ATXN7L3: variants seen among roughly 807,000 people sequenced by gnomAD.
ATXN7L3 encodes ataxin 7 like 3, also known as ataxin-7-like protein 3.
ATXN7L3 carries 6 observed loss-of-function variants against 50.0 expected under a neutral mutation model. The observed-to-expected ratio is 0.12, with a 90% CI of 0.07 to 0.24. The LOEUF (loss-of-function observed/expected upper bound fraction) is 0.24. ATXN7L3 is among the 10% of genes least tolerant of loss of function. The probability of loss-of-function intolerance (pLI) is 1.00; values close to 1 mark genes in which losing one functional copy is unlikely to be tolerated. For missense variants in ATXN7L3, 322 were observed against 451.3 expected (o/e 0.71, Z 2.60); for synonymous variants, 198 against 165.8 (o/e 1.19, Z -1.49).
rs1319141827 is a variant in ATXN7L3 at position 44,191,922 on chromosome 17, C to G, written c.*2341G>C. The G allele has an allele frequency of 1.0e-5, 2 of 193,698 alleles. No homozygotes were observed. Among genetic ancestry groups the G allele is most frequent in the Non-Finnish European group, 1.9e-5 (2 of 105,942 alleles). 12.0% of individuals were successfully genotyped at this position (193,698 alleles called of 1,614,324 possible). A position where few individuals can be genotyped will look rare whatever the true frequency, so the allele number is the denominator to read the frequency against. ...ATTACATATGCAAAAATAAAAATCTCAAGACCACAGGACAGCGTGAGCCCC... is the reference window on the plus strand; with the variant it reads ...ATTACATATGCAAAAATAAAAATCTGAAGACCACAGGACAGCGTGAGCCCC... On this transcript the variant is annotated 3_prime_UTR_variant, in exon 13 of 13. Coordinates refer to ENST00000587097, the MANE Select transcript of ATXN7L3 (RefSeq NM_001382309.1).
rs548769564 is a variant in ATXN7L3 at position 44,197,118 on chromosome 17, G to A, written c.357-92C>T. 9.7e-6 allele frequency: 15 copies of A among 1,552,980 alleles called. No homozygotes were observed. In the South Asian group the frequency reaches 1.6e-4, roughly 17 times the overall value. ...CGCTCTGCCCCCAACTTCAGAAGCAGGTGGAGCATCTGGGGCCAAGTAAAA... is the reference window on the plus strand; with the variant it reads ...CGCTCTGCCCCCAACTTCAGAAGCAAGTGGAGCATCTGGGGCCAAGTAAAA... On this transcript the variant is annotated intron_variant, in intron 4 of 12. Coordinates refer to ENST00000587097, the MANE Select transcript of ATXN7L3 (RefSeq NM_001382309.1).
rs878855969 is a variant in ATXN7L3, at chr17:44,195,544, G to C, written c.553-57C>G. The stretch of plus-strand genomic sequence containing the variant: ...TGGGGCAGAGAAAAGAGAAGGACAG[G>C]GGTGGAAGTGAGAATCAGTCCCTCT... On this transcript the variant is annotated intron_variant, in intron 8 of 12. Transcript: ENST00000587097. 1.4e-5 allele frequency: 22 copies of C among 1,532,932 alleles called. 1 individual carries two copies. In the South Asian group the frequency reaches 2.1e-4, roughly 15 times the overall value. 95.0% of individuals were successfully genotyped at this position (1,532,932 alleles called of 1,614,324 possible).
At chr17:44,199,403 G>C (rs2056060206) in intron 1 of ATXN7L3, 93 bp downstream of exon 1, 1 of 149,280 alleles carries the variant, frequency 6.7e-6, no homozygotes, top group Admixed American at 6.6e-5. Context: ...CCCAGACCTG[G>C]GGGGAGGGGG....
chr17:44,196,141 A>C (rs769966964), intron 6 of ATXN7L3, 62 bp from the exon 7 acceptor site: 1 of 1,545,332 alleles, frequency 6.5e-7, no homozygotes, highest in Non-Finnish European at 8.9e-7. Flanking sequence ...CCGAGAACCC[A>C]GGGAAGGAAA....
intron 6 of ATXN7L3, 113 bp from the exon 7 acceptor site, chr17:44,196,192 C>G: frequency 8.9e-6 from 12 of 1,355,098 alleles, no homozygotes; most frequent in Non-Finnish European, 1.3e-5. Flanking sequence ...CCTACTCTTC[C>G]TCCCCAGTAG....
chr17:44,196,023 G>C lies in ATXN7L3; in HGVS notation c.523+11C>G, dbSNP rs772627634. On this transcript the variant is annotated intron_variant, in intron 7 of 12. Coordinates refer to ENST00000587097, the MANE Select transcript of ATXN7L3 (RefSeq NM_001382309.1). ...AGCTAGAAGCATTCCCATTGCTCCG[G>C]CTCCACTTACCATTTTTGTGTTTTA... 1.2e-6 allele frequency: 2 copies of C among 1,609,014 alleles called. No homozygotes were observed. Among genetic ancestry groups the C allele is most frequent in the Admixed American group, 3.3e-5 (2 of 59,974 alleles).
Position 44,194,674 on chromosome 17 carries a change from A to T in ATXN7L3, c.738T>A (p.Ala246=). 2 of 1,614,006 alleles carry T rather than the reference A, an allele frequency of 1.2e-6. No individual in the cohort carries two copies. Among genetic ancestry groups the T allele is most frequent in the Non-Finnish European group, 1.7e-6 (2 of 1,179,906 alleles). Residue 246 remains alanine, a splice_region_variant and synonymous_variant, in exon 12 of 13, where the codon GCT becomes GCA. Transcript: ENST00000587097. The part of the protein sequence containing the change: ...TVRIYFLGPS[A]VLPEVESSLD... ...GGGAGCTCTCGACCTCTGGAAGGACACTGGAAAGGGGATGAGCCAAAGAAG... is the reference window on the plus strand; with the variant it reads ...GGGAGCTCTCGACCTCTGGAAGGACTCTGGAAAGGGGATGAGCCAAAGAAG...
Position 44,197,414 on chromosome 17 carries a change from G to C in ATXN7L3, c.185-15C>G. The stretch of plus-strand genomic sequence containing the variant: ...GTCCACGATCTCTGGGGACAGGAGA[G>C]GCTGGCGATCAGGGTGGGCAGGACC... On this transcript the variant is annotated splice_polypyrimidine_tract_variant and intron_variant, in intron 3 of 12. Transcript: ENST00000587097. 1 of 1,585,060 alleles carries C rather than the reference G, an allele frequency of 6.3e-7. No homozygotes were observed. The highest frequency in any genetic ancestry group is 8.6e-7 in the Non-Finnish European group (1 of 1,161,802).
At position 44,195,332 on chromosome 17, in the gene ATXN7L3, G is replaced by C. The variant is rs922665115; in HGVS notation, c.621+87C>G. The C allele has an allele frequency of 3.4e-6, 5 of 1,450,590 alleles. No individual in the cohort carries two copies. In the Admixed American group the frequency reaches 6.7e-5, roughly 19 times the overall value. 89.9% of individuals were successfully genotyped at this position (1,450,590 alleles called of 1,614,324 possible). A position where few individuals can be genotyped will look rare whatever the true frequency, so the allele number is the denominator to read the frequency against. On this transcript the variant is annotated intron_variant, in intron 9 of 12. Coordinates refer to ENST00000587097, the MANE Select transcript of ATXN7L3 (RefSeq NM_001382309.1). Reference sequence around the variant, plus strand: ...GAGAACGATACGGCCCTGACTGCTAGGTCACCAGCTTCCTCCCAGGCCTTG... The same window carrying C: ...GAGAACGATACGGCCCTGACTGCTACGTCACCAGCTTCCTCCCAGGCCTTG...
In ATXN7L3 at chr17:44,194,062, C is replaced by G; in HGVS notation, c.*201G>C. On this transcript the variant is annotated 3_prime_UTR_variant, in exon 13 of 13. Coordinates refer to ENST00000587097, the MANE Select transcript of ATXN7L3 (RefSeq NM_001382309.1). ...AGGCATAATATGTCCAGGTCTGAGT[C>G]CTGCACGCCGAGGAGTCGTGCTCCA... 1.5e-6 allele frequency: 1 copy of G among 646,616 alleles called. No individual in the cohort carries two copies. The highest frequency in any genetic ancestry group is 2.7e-5 in the East Asian group (1 of 36,378). 40.1% of individuals were successfully genotyped at this position (646,616 alleles called of 1,614,324 possible). A position where few individuals can be genotyped will look rare whatever the true frequency, so the allele number is the denominator to read the frequency against.
Position 44,196,025 on chromosome 17 carries a change from T to G in ATXN7L3, c.523+9A>C, listed in dbSNP as rs747129458. The stretch of plus-strand genomic sequence containing the variant: ...CTAGAAGCATTCCCATTGCTCCGGC[T>G]CCACTTACCATTTTTGTGTTTTAAT... On this transcript the variant is annotated intron_variant, in intron 7 of 12. Transcript: ENST00000587097. 6.2e-7 allele frequency: 1 copy of G among 1,608,742 alleles called. No individual in the cohort carries two copies. The highest frequency in any genetic ancestry group is 8.5e-7 in the Non-Finnish European group (1 of 1,175,990).
rs754738433 is a variant in ATXN7L3, at chr17:44,196,447, GGT to G, written c.455-31_455-30del. 3 of 1,613,856 alleles carry G rather than the reference GGT, an allele frequency of 1.9e-6. No homozygotes were observed. The East Asian group carries it at 6.7e-5, about 36-fold the overall frequency. ...TGGGAAACAAAAGCATAAAGAGCAG[GGT>G]TTCCGTTAAGTTCTCAATCTAAAAG... On this transcript the variant is annotated intron_variant, in intron 5 of 12. Coordinates refer to ENST00000587097, the MANE Select transcript of ATXN7L3 (RefSeq NM_001382309.1).
intron 3 of ATXN7L3, 65 bp downstream of exon 3, chr17:44,197,533 G>C (rs1354192707): frequency 1.9e-6 from 3 of 1,609,404 alleles, no homozygotes; most frequent in Non-Finnish European, 2.5e-6. Context: ...ACAGTTTCCA[G>C]AGAAGGAAAC....
At chr17:44,198,695 G>A (rs1483034942) in intron 1 of ATXN7L3, among the ~76,000 whole-genome samples, 2 of 151,402 alleles carry the variant, frequency 1.3e-5, no homozygotes, top group Non-Finnish European at 3.0e-5. Flanking sequence ...GCCCACAGGA[G>A]CCTAGAGCTA....
chr17:44,198,667 C>T (rs1313335588), intron 1 of ATXN7L3, among the ~76,000 whole-genome samples: 3 of 152,072 alleles, frequency 2.0e-5, no homozygotes, highest in Non-Finnish European at 4.4e-5. Context: ...CAGCCTGCCA[C>T]TCCACGAGGG....
Position 44,194,779 on chromosome 17 carries a change from G to A in ATXN7L3, c.726C>T (p.Leu242=), listed in dbSNP as rs564777185. The change falls in exon 11 of 13, where the codon CTC becomes CTT. Residue 242 remains leucine (L), a synonymous_variant. Coordinates refer to ENST00000587097, the MANE Select transcript of ATXN7L3 (RefSeq NM_001382309.1). Reference sequence around the variant, plus strand: ...GTAGGGCCACTTACGCCGAGGGCCCGAGAAAATAAATCCGTACGGTTCGCC... The same window carrying A: ...GTAGGGCCACTTACGCCGAGGGCCCAAGAAAATAAATCCGTACGGTTCGCC... ...EQRRTVRIYF[L]GPSAVLPEVE... 3.5e-5 allele frequency: 56 copies of A among 1,614,130 alleles called. 3 individuals carry two copies. In the Middle Eastern group the frequency reaches 6.6e-4, roughly 19 times the overall value.
chr17:44,194,879 A>G, intron 10 of ATXN7L3, 40 bp from the exon 11 acceptor site: 1 of 1,606,670 alleles, frequency 6.2e-7, no homozygotes, highest in Non-Finnish European at 8.5e-7. Flanking sequence ...TGAGGAACTC[A>G]GGTAAAGCCC....
In ATXN7L3 at chr17:44,193,526, T is replaced by A. The variant is rs543039379; in HGVS notation, c.*737A>T. The A allele has an allele frequency of 6.5e-6, 1 of 152,686 alleles. No homozygotes were observed. The highest frequency in any genetic ancestry group is 2.1e-4 in the South Asian group (1 of 4,828). The allele number at this position is 152,686 out of a possible 1,614,324, so 9.5% of individuals were successfully genotyped here. On this transcript the variant is annotated 3_prime_UTR_variant, in exon 13 of 13. Transcript: ENST00000587097. ...GCAGGGGGAGGAATTCTGACACTTC[T>A]CCCTCTTCCTACCCTCCCTTTCCCA...
rs1439911664 is a variant in ATXN7L3, at chr17:44,199,827, C to T, written c.-392G>A. 1 of 148,160 alleles carries T rather than the reference C, an allele frequency of 6.7e-6. No homozygotes were observed. Among genetic ancestry groups the T allele is most frequent in the African/African-American group, 2.5e-5 (1 of 40,658 alleles). 9.2% of individuals were successfully genotyped at this position (148,160 alleles called of 1,614,324 possible). A position where few individuals can be genotyped will look rare whatever the true frequency, so the allele number is the denominator to read the frequency against. On this transcript the variant is annotated 5_prime_UTR_variant, in exon 1 of 13. Transcript: ENST00000587097. ...CCCGGGCGGGGGGTGCGGCGCGAGC[C>T]CGGAGCGCGCGCGCGTGTGCCGCGA...
Sources: gnomAD v4.1 joint callset for allele counts (sites outside exome capture counted in the v4.1 genomes callset) on GRCh38, gnomAD v4.1.1 for gene constraint, MANE v1.5 for transcripts, NCBI Gene and HGNC (gene_info 2026-07-23, HGNC 2026-07-21) for gene names.